NMS: variants seen among roughly 807,000 people sequenced by gnomAD.
NMS encodes neuromedin-S.
Under a neutral mutation model 32.2 loss-of-function variants are expected in NMS, and 30 were observed. The observed-to-expected ratio is 0.93, with a 90% CI of 0.70 to 1.26. The LOEUF (loss-of-function observed/expected upper bound fraction) is 1.26, where lower values mean the gene tolerates loss of function less well. Ranked by LOEUF, NMS falls within the 50% of genes most tolerant of loss-of-function variation. The pLI is 0.00. For missense variants in NMS, 190 were observed against 186.3 expected, an observed-to-expected ratio of 1.02 and a Z score of -0.12; for synonymous variants, 76 against 58.5, an observed-to-expected ratio of 1.30 and a Z score of -1.37.
chr2:100,477,267 G>A lies in NMS; in HGVS notation c.207G>A (p.Arg69=), dbSNP rs192377530. Residue 69 remains arginine (R), a splice_region_variant and synonymous_variant, in exon 4 of 10, where the codon AGG becomes AGA. Coordinates refer to ENST00000376865, the MANE Select transcript of NMS (RefSeq NM_001011717.1). ...AGGATAATCAAGACATATACAAAAG[G>A]GTGAGTACCACCTAGCCCTGTACAA... The part of the protein sequence containing the change: ...QPKDNQDIYK[R]FLFHYSRTQE... 3 of 1,613,282 alleles carry A rather than the reference G, an allele frequency of 1.9e-6. No homozygotes were observed. The Admixed American group carries it at 5.0e-5, about 27-fold the overall frequency.
intron 3 of NMS, among the ~76,000 whole-genome samples, chr2:100,475,696 T>C (rs924552767): frequency 1.3e-5 from 2 of 152,174 alleles, no homozygotes; most frequent in African/African-American, 4.8e-5. Flanking sequence ...GAAATAATTT[T>C]TTCTCTAAAA....
intron 7 of NMS, 54 bp downstream of exon 7, chr2:100,480,585 G>A (rs1463101998): frequency 6.3e-7 from 1 of 1,599,468 alleles, no homozygotes; most frequent in Non-Finnish European, 8.6e-7. Flanking sequence ...ACCCGAGAAG[G>A]GTGGGGAAGT....
intron 5 of NMS, among the ~76,000 whole-genome samples, chr2:100,477,938 T>C (rs986679182): frequency 6.6e-6 from 1 of 152,118 alleles, no homozygotes; most frequent in Non-Finnish European, 1.5e-5. Flanking sequence ...TGGGGTATGA[T>C]TTGAGGAATA....
At chr2:100,475,392 C>G (rs1677089789) in intron 3 of NMS, among the ~76,000 whole-genome samples, 1 of 152,120 alleles carries the variant, frequency 6.6e-6, no homozygotes, top group South Asian at 2.1e-4. Context: ...ACCTTTAAAT[C>G]AAGACAATTC....
chr2:100,482,105 G>A (rs1016929677), intron 8 of NMS, among the ~76,000 whole-genome samples, 172 bp from the exon 9 acceptor site: 4 of 152,192 alleles, frequency 2.6e-5, no homozygotes, highest in Admixed American at 1.3e-4. Flanking sequence ...GAGGACCTAC[G>A]GACTAGCGCT....
intron 9 of NMS, among the ~76,000 whole-genome samples, chr2:100,482,587 G>A (rs564514685): frequency 4.8e-4 from 73 of 152,148 alleles, no homozygotes; most frequent in African/African-American, 1.7e-3. Flanking sequence ...AGCTGTCACT[G>A]CGATGGGGAT....
At position 100,480,533 on chromosome 2, in the gene NMS, T is replaced by TA; in HGVS notation, c.372+3dup. The TA allele has an allele frequency of 6.2e-7, 1 of 1,612,780 alleles. No individual in the cohort carries two copies. The highest frequency in any genetic ancestry group is 8.5e-7 in the Non-Finnish European group (1 of 1,179,976). On this transcript the variant is annotated splice_region_variant and intron_variant, in intron 7 of 9. Coordinates refer to ENST00000376865, the MANE Select transcript of NMS (RefSeq NM_001011717.1). ...GCTGCAGTGGACTTCACCAAGAAGG[T>TA]ACACAAGAGCCTTGGAGACTGCGAC...
At chr2:100,473,452 C>T in intron 2 of NMS, 37 bp from the exon 3 acceptor site, 1 of 1,305,144 alleles carries the variant, frequency 7.7e-7, no homozygotes, top group Non-Finnish European at 1.1e-6. Flanking sequence ...TCATCCCCCT[C>T]ATCCCTTTGA....
intron 5 of NMS, 129 bp from the exon 6 acceptor site, chr2:100,479,224 T>C: frequency 1.6e-6 from 1 of 626,734 alleles, no homozygotes; most frequent in Non-Finnish European, 2.6e-6. Flanking sequence ...CAAAAATGGG[T>C]TTTACTCTGA....
At chr2:100,475,914 G>A (rs992549887) in intron 3 of NMS, among the ~76,000 whole-genome samples, 9 of 150,770 alleles carry the variant, frequency 6.0e-5, no homozygotes, top group East Asian at 2.0e-4. Context: ...CAGGAGAATC[G>A]CTTGAACCTG....
intron 3 of NMS, 53 bp downstream of exon 3, chr2:100,473,592 AAC>A: frequency 1.5e-6 from 1 of 653,942 alleles, no homozygotes; most frequent in South Asian, 4.7e-5. Context: ...ATATGCAACA[AAC>A]ACACTCTTTT....
In NMS at chr2:100,477,277, A is replaced by T; in HGVS notation, c.207+10A>T. The T allele has an allele frequency of 6.2e-7, 1 of 1,613,000 alleles. No individual in the cohort carries two copies. Among genetic ancestry groups the T allele is most frequent in the East Asian group, 2.2e-5 (1 of 44,866 alleles). On this transcript the variant is annotated intron_variant, in intron 4 of 9. Transcript: ENST00000376865. ...AGACATATACAAAAGGGTGAGTACC[A>T]CCTAGCCCTGTACAAGTGCATGCAG...
At position 100,482,329 on chromosome 2, in the gene NMS, A is replaced by T. The variant is rs1181874233; in HGVS notation, c.449+18A>T. On this transcript the variant is annotated intron_variant, in intron 9 of 9. Transcript: ENST00000376865. ...GAGGCCCAGTAGGTAGTCCAAGATCAGCTTCATCACCCTTTTTCTCTTTCA... is the reference window on the plus strand; with the variant it reads ...GAGGCCCAGTAGGTAGTCCAAGATCTGCTTCATCACCCTTTTTCTCTTTCA... 7 of 1,612,166 alleles carry T rather than the reference A, an allele frequency of 4.3e-6. No homozygotes were observed. Among genetic ancestry groups the T allele is most frequent in the Non-Finnish European group, 5.9e-6 (7 of 1,178,482 alleles).
chr2:100,481,363 A>G (rs1260751396), intron 8 of NMS, among the ~76,000 whole-genome samples, 196 bp downstream of exon 8: 2 of 152,188 alleles, frequency 1.3e-5, no homozygotes. Flanking sequence ...AGAGTCCAAC[A>G]GGAGAGAGGC....
chr2:100,481,682 C>T (rs1176709019), intron 8 of NMS, among the ~76,000 whole-genome samples: 4 of 152,200 alleles, frequency 2.6e-5, no homozygotes. Flanking sequence ...CCCCCAGAAA[C>T]TGCATTCTGT....
At chr2:100,470,644 C>G in intron 1 of NMS, 80 bp downstream of exon 1, 6 of 1,107,630 alleles carry the variant, frequency 5.4e-6, no homozygotes, top group Non-Finnish European at 8.3e-6. Flanking sequence ...CAGGGCAGCT[C>G]TGGAGGGAGT....
chr2:100,474,337 C>A (rs532849662), intron 3 of NMS, among the ~76,000 whole-genome samples: 4 of 141,504 alleles, frequency 2.8e-5, no homozygotes, highest in African/African-American at 9.6e-5. Flanking sequence ...TCCCTCACCT[C>A]CCCCAACCCA....
intron 8 of NMS, 51 bp downstream of exon 8, chr2:100,481,218 A>C (rs759558972): frequency 3.2e-6 from 5 of 1,557,170 alleles, no homozygotes; most frequent in Non-Finnish European, 4.4e-6. Flanking sequence ...CACTGCAGCC[A>C]TCCCAATCAT....
chr2:100,477,156 G>T (rs1677125979), intron 3 of NMS, 88 bp from the exon 4 acceptor site: 1 of 1,078,718 alleles, frequency 9.3e-7, no homozygotes, highest in South Asian at 1.3e-5. Context: ...ATCCACTAAG[G>T]TCCATGGTGT....
Sources: gnomAD v4.1 joint callset for allele counts (sites outside exome capture counted in the v4.1 genomes callset) on GRCh38, gnomAD v4.1.1 for gene constraint, MANE v1.5 for transcripts, NCBI Gene and HGNC (gene_info 2026-07-23, HGNC 2026-07-21) for gene names.